Variants in SNX25 observed in about 807,000 individuals in gnomAD.
SNX25 encodes sorting nexin-25.
SNX25 carries 62 observed loss-of-function variants against 113.7 expected under a neutral mutation model. The observed-to-expected ratio is 0.55, with a 90% CI of 0.44 to 0.67. SNX25 has a LOEUF of 0.67. Among genes scored for constraint, SNX25 ranks in the 30% least tolerant of loss-of-function variants. SNX25 has a pLI of 0.00. For synonymous variants in SNX25, 421 were observed against 436.2 expected, an observed-to-expected ratio of 0.97 and a Z score of 0.43; for missense variants, 1,014 against 1,161.0, an observed-to-expected ratio of 0.87 and a Z score of 1.84.
intron 1 of SNX25, among the ~76,000 whole-genome samples, chr4:185,228,726 G>A (rs1438370961): frequency 2.6e-5 from 4 of 151,968 alleles, no homozygotes; most frequent in African/African-American, 4.8e-5. Context: ...TAAGAGAGGC[G>A]ATAAAAGGTT....
At chr4:185,303,380 C>T (rs948456968) in intron 6 of SNX25, among the ~76,000 whole-genome samples, 2 of 152,146 alleles carry the variant, frequency 1.3e-5, no homozygotes, top group Non-Finnish European at 2.9e-5. Context: ...AACGAAGGTG[C>T]AGGGCGTGGT....
At chr4:185,335,831 C>T (rs1318265573) in intron 10 of SNX25, among the ~76,000 whole-genome samples, 4 of 152,184 alleles carry the variant, frequency 2.6e-5, no homozygotes, top group Admixed American at 2.6e-4. Context: ...AGAGTGACAC[C>T]TGCCCTCAAG....
chr4:185,361,024 T>C (rs1476593757), intron 16 of SNX25, among the ~76,000 whole-genome samples: 1 of 151,890 alleles, frequency 6.6e-6, no homozygotes, highest in African/African-American at 2.4e-5. Flanking sequence ...TGCATAACTG[T>C]GCAAGTCAAA....
At chr4:185,258,803 GC>G (rs1234932314) in intron 2 of SNX25, 44 bp from the exon 3 acceptor site, 1 of 1,506,890 alleles carries the variant, frequency 6.6e-7, no homozygotes, top group African/African-American at 1.4e-5. Context: ...CTTGGTGTTT[GC>G]TTCTTTCATT....
intron 1 of SNX25, among the ~76,000 whole-genome samples, chr4:185,214,252 A>T (rs1464544817): frequency 6.6e-6 from 1 of 152,076 alleles, no homozygotes; most frequent in East Asian, 1.9e-4. Flanking sequence ...GGGCTGATAC[A>T]AGAAGTCCAC....
At chr4:185,237,379 C>A (rs906576523) in intron 1 of SNX25, among the ~76,000 whole-genome samples, 2 of 152,186 alleles carry the variant, frequency 1.3e-5, no homozygotes, top group African/African-American at 4.8e-5. Context: ...GGAATGTGCG[C>A]TTTCCTCTCT....
intron 2 of SNX25, among the ~76,000 whole-genome samples, chr4:185,256,624 C>CTTTTTTTT (rs35160292): frequency 2.7e-5 from 3 of 112,564 alleles, no homozygotes; most frequent in Non-Finnish European, 3.6e-5. Context: ...ACCTAAATTT[C>CTTTTTTTT]TTTTTTTTTT....
At position 185,351,520 on chromosome 4, in the gene SNX25, A is replaced by G; in HGVS notation, c.2377A>G (p.Lys793Glu). Residue 793 changes from lysine (K) to glutamate (E), a missense_variant, in exon 14 of 19, where the codon AAG (lysine) becomes GAG (glutamate). Transcript: ENST00000652585. ...CTTGAGCCCTTCTCCTGACTACCTCAAGGTTATCGACGTGCAGGGGAAAAA... is the reference window on the plus strand; with the variant it reads ...CTTGAGCCCTTCTCCTGACTACCTCGAGGTTATCGACGTGCAGGGGAAAAA... ...AFLSPSPDYL[K>E]VIDVQGKKNS... 6.2e-7 allele frequency: 1 copy of G among 1,614,166 alleles called. No individual in the cohort carries two copies. The highest frequency in any genetic ancestry group is 1.6e-4 in the Middle Eastern group (1 of 6,062).
intron 2 of SNX25, among the ~76,000 whole-genome samples, chr4:185,251,431 T>G (rs1054958652): frequency 1.1e-4 from 16 of 152,216 alleles, no homozygotes; most frequent in South Asian, 4.1e-4. Context: ...TAACCACTGT[T>G]CTACTTTTTG....
At chr4:185,351,024 A>G (rs79501274) in intron 13 of SNX25, among the ~76,000 whole-genome samples, 3 of 152,246 alleles carry the variant, frequency 2.0e-5, no homozygotes, top group Admixed American at 1.3e-4. Flanking sequence ...GAATATAACC[A>G]TAAAAGGGCA....
At chr4:185,303,139 T>C (rs1426625848) in intron 6 of SNX25, among the ~76,000 whole-genome samples, 4 of 152,194 alleles carry the variant, frequency 2.6e-5, no homozygotes, top group African/African-American at 4.8e-5. Flanking sequence ...CCAAGTCTCC[T>C]GAGTTTCGTC....
intron 1 of SNX25, among the ~76,000 whole-genome samples, chr4:185,219,375 T>C (rs913250276): frequency 9.2e-5 from 14 of 152,004 alleles, no homozygotes; most frequent in African/African-American, 2.7e-4. Context: ...CTGACTAACA[T>C]GGTGAAACCC....
rs2095216608 is a variant in SNX25 at position 185,334,423 on chromosome 4, A to G, written c.1914+1664A>G. Among the ~76,000 whole-genome samples, 1 of 152,202 alleles carries G rather than the reference A, an allele frequency of 6.6e-6. No individual in the cohort carries two copies. Among genetic ancestry groups the G allele is most frequent in the African/African-American group, 2.4e-5 (1 of 41,458 alleles). ...CAGGTTTCCTGGATTGTCATCAGAA[A>G]TAGTTCATTCTCCCCCTTATGTGGA... On this transcript the variant is annotated intron_variant, in intron 10 of 18. Coordinates refer to ENST00000652585, the MANE Select transcript of SNX25 (RefSeq NM_001378034.2). The surrounding 1 kb of genome is among the most constrained non-coding windows in gnomAD (Gnocchi z 4.2).
chr4:185,287,062 A>G (rs1751444447), intron 5 of SNX25, among the ~76,000 whole-genome samples: 1 of 152,214 alleles, frequency 6.6e-6, no homozygotes, highest in Admixed American at 6.5e-5. Flanking sequence ...AATTCATATA[A>G]TTAAGGGCTA....
At chr4:185,248,151 A>G (rs1447872672) in intron 2 of SNX25, among the ~76,000 whole-genome samples, 3 of 152,218 alleles carry the variant, frequency 2.0e-5, no homozygotes, top group Non-Finnish European at 4.4e-5. Context: ...TCAGTACAGA[A>G]ACAGTTTGAA....
downstream of SNX25, chr4:185,367,306 T>C (rs1014340161): frequency 3.4e-5 from 48 of 1,403,668 alleles, no homozygotes; most frequent in Middle Eastern, 1.8e-4. Flanking sequence ...CTTTCTTCTT[T>C]TTTTTTTTTT....
chr4:185,331,288 C>A (rs534287296), intron 9 of SNX25, among the ~76,000 whole-genome samples: 2 of 152,130 alleles, frequency 1.3e-5, no homozygotes, highest in African/African-American at 4.8e-5. Flanking sequence ...ATTAGGAATG[C>A]GCCTCATAAA....
intron 5 of SNX25, among the ~76,000 whole-genome samples, chr4:185,274,453 A>G (rs1014915651): frequency 6.6e-6 from 1 of 152,136 alleles, no homozygotes; most frequent in African/African-American, 2.4e-5. Flanking sequence ...ATGATGGGTA[A>G]TTTTATTCTG....
At chr4:185,303,586 G>C (rs1360977373) in intron 6 of SNX25, among the ~76,000 whole-genome samples, 5 of 151,098 alleles carry the variant, frequency 3.3e-5, no homozygotes, top group Non-Finnish European at 7.4e-5. Flanking sequence ...ATGAACCTGG[G>C]AGGCGGAGCT....
Sources: allele counts gnomAD v4.1 joint callset (sites outside exome capture counted in the v4.1 genomes callset), GRCh38; gene constraint gnomAD v4.1.1; non-coding constraint Gnocchi (gnomAD v3.1); transcripts MANE v1.5; gene names NCBI Gene and HGNC (gene_info 2026-07-23, HGNC 2026-07-21).